LGALS8: variants seen among roughly 807,000 people sequenced by gnomAD.
LGALS8 encodes the protein galectin-8.
LGALS8 carries 30 observed loss-of-function variants against 35.9 expected under a neutral mutation model. The observed-to-expected ratio is 0.83, with a 90% CI of 0.62 to 1.13. The LOEUF is 1.13. LGALS8 is among the 50% of genes most tolerant of loss of function. The probability of loss-of-function intolerance (pLI) is 0.00; values close to 1 mark genes in which losing one functional copy is unlikely to be tolerated. For synonymous variants in LGALS8, 138 were observed against 136.1 expected (o/e 1.01, Z -0.10); for missense variants, 366 against 388.7 (o/e 0.94, Z 0.49).
At chr1:236,531,883 T>C (rs113142826) in intron 2 of LGALS8, among the ~76,000 whole-genome samples, 181 of 152,168 alleles carry the variant, frequency 1.2e-3, no homozygotes, top group African/African-American at 4.0e-3. Context: ...TAGAGCAAAA[T>C]TGCAAACGGA....
rs1662541711 is a variant in LGALS8 at position 236,548,357 on chromosome 1, C to T, written c.*196C>T. ...TAGCACTGAATGGGGAAACTGGGGG[C>T]AGCAACACTTATAGCCAGTTAAAGC... On this transcript the variant is annotated 3_prime_UTR_variant, in exon 10 of 10. Coordinates refer to ENST00000366584, the MANE Select transcript of LGALS8 (RefSeq NM_201544.4). The T allele has an allele frequency of 5.2e-6, 3 of 579,090 alleles. No individual in the cohort carries two copies. In the African/African-American group the frequency reaches 5.6e-5, roughly 11 times the overall value. 35.9% of individuals were successfully genotyped at this position (579,090 alleles called of 1,614,324 possible). A position where few individuals can be genotyped will look rare whatever the true frequency, so the allele number is the denominator to read the frequency against.
rs1484036757 is a variant in LGALS8 at position 236,549,832 on chromosome 1, T to A, written c.*1671T>A. 2.0e-5 allele frequency: 3 copies of A among 152,210 alleles called. No homozygotes were observed. The highest frequency in any genetic ancestry group is 7.2e-5 in the African/African-American group (3 of 41,444). 9.4% of individuals were successfully genotyped at this position (152,210 alleles called of 1,614,324 possible). ...TCATTTTACGTGGAGGAAAAAAATTTAAAAAGCTATTAGTATTTATTAATG... is the reference window on the plus strand; with the variant it reads ...TCATTTTACGTGGAGGAAAAAAATTAAAAAAGCTATTAGTATTTATTAATG... On this transcript the variant is annotated 3_prime_UTR_variant, in exon 10 of 10. Coordinates refer to ENST00000366584, the MANE Select transcript of LGALS8 (RefSeq NM_201544.4).
chr1:236,520,094 T>G (rs1329424861), upstream of LGALS8, among the ~76,000 whole-genome samples: 3 of 151,526 alleles, frequency 2.0e-5, no homozygotes, highest in Admixed American at 1.3e-4. Flanking sequence ...GTAGCTGAAA[T>G]TACAGGCATG....
chr1:236,531,472 C>T lies in LGALS8; in HGVS notation c.45+5357C>T, dbSNP rs560912927. Reference sequence around the variant, plus strand: ...CGGAGTAGCTGGGACTACAGGCGCCCGCCACCCACGCCTGGCTAATTTTTT... The same window carrying T: ...CGGAGTAGCTGGGACTACAGGCGCCTGCCACCCACGCCTGGCTAATTTTTT... On this transcript the variant is annotated intron_variant, in intron 2 of 9. Transcript: ENST00000366584. 1.4e-4 allele frequency among the ~76,000 whole-genome samples: 22 copies of T among 152,154 alleles called. No homozygotes were observed. In the South Asian group the frequency reaches 1.9e-3, roughly 13 times the overall value.
Position 236,541,679 on chromosome 1 carries a change from G to A in LGALS8, c.491G>A (p.Ser164Asn), listed in dbSNP as rs772784422. Residue 164 changes from serine to asparagine, a missense_variant, in exon 6 of 10, where the codon AGT becomes AAT. Coordinates refer to ENST00000366584, the MANE Select transcript of LGALS8 (RefSeq NM_201544.4). The part of the protein sequence containing the change: ...SSDLQSTQAS[S>N]LELTEISREN... ...GACTTACAAAGTACCCAAGCATCTA[G>A]TCTGGAACTGACAGAGATAAGTAGA... 2.0e-6 allele frequency: 3 copies of A among 1,526,980 alleles called. No homozygotes were observed. Among genetic ancestry groups the A allele is most frequent in the South Asian group, 2.5e-5 (2 of 80,348 alleles). The allele number at this position is 1,526,980 out of a possible 1,614,324, so 94.6% of individuals were successfully genotyped here. A position where few individuals can be genotyped will look rare whatever the true frequency, so the allele number is the denominator to read the frequency against.
chr1:236,524,126 G>T (rs762653234), intron 1 of LGALS8, 65 bp downstream of exon 1: 7 of 456,626 alleles, frequency 1.5e-5, no homozygotes, highest in South Asian at 1.1e-4. Context: ...TGCTCTGAGG[G>T]TCTCGCCAGT....
upstream of LGALS8, among the ~76,000 whole-genome samples, chr1:236,522,479 G>T (rs574527052): frequency 6.6e-6 from 1 of 152,206 alleles, no homozygotes; most frequent in East Asian, 1.9e-4. Flanking sequence ...AGTGGTGTGC[G>T]TCTATAGTCC....
intron 3 of LGALS8, among the ~76,000 whole-genome samples, chr1:236,537,923 C>CCCT (rs1553277033): frequency 7.3e-5 from 2 of 27,420 alleles, no homozygotes; most frequent in East Asian, 1.4e-3. Context: ...CATAGTGAGA[C>CCCT]CCCCCATCTG....
chr1:236,535,485 G>T (rs1174169958), intron 2 of LGALS8, among the ~76,000 whole-genome samples: 1 of 144,058 alleles, frequency 6.9e-6, no homozygotes, highest in Non-Finnish European at 1.5e-5. Context: ...TTACTAACTT[G>T]TGTTATTAAA....
At chr1:236,527,340 C>T (rs1184196907) in intron 2 of LGALS8, among the ~76,000 whole-genome samples, 2 of 152,110 alleles carry the variant, frequency 1.3e-5, no homozygotes, top group African/African-American at 4.8e-5. Flanking sequence ...TGAGGTGGAA[C>T]AAAAATAAGT....
chr1:236,550,687 A>G lies in LGALS8; in HGVS notation c.*2526A>G, dbSNP rs1454879002. The G allele has an allele frequency of 6.4e-6, 3 of 468,310 alleles. No individual in the cohort carries two copies. The highest frequency in any genetic ancestry group is 3.8e-5 in the Admixed American group (1 of 26,138). The allele number at this position is 468,310 out of a possible 1,614,324, so 29.0% of individuals were successfully genotyped here. ...AGTCTGTATAAAAATACCGTGTATC[A>G]TTTACTCTTTCTGCAGCTCTATACG... is the stretch of plus-strand genomic sequence containing the variant. On this transcript the variant is annotated 3_prime_UTR_variant, in exon 10 of 10. Coordinates refer to ENST00000366584, the MANE Select transcript of LGALS8 (RefSeq NM_201544.4).
chr1:236,545,443 AAT>A (rs1214511684), intron 9 of LGALS8, among the ~76,000 whole-genome samples: 1 of 152,162 alleles, frequency 6.6e-6, no homozygotes, highest in Non-Finnish European at 1.5e-5. Context: ...CCTTTCCCGA[AAT>A]ATGTTTCTGG....
rs890163525 is a variant in LGALS8 at position 236,552,779 on chromosome 1, A to G, written c.*4618A>G. On this transcript the variant is annotated 3_prime_UTR_variant, in exon 10 of 10. Transcript: ENST00000366584. ...TAATTAAAGAATATCTGGACAGTAC[A>G]AAGTGAATTATTAAAAAACCATTTG... 2.0e-5 allele frequency: 3 copies of G among 152,268 alleles called. No individual in the cohort carries two copies. Among genetic ancestry groups the G allele is most frequent in the African/African-American group, 7.2e-5 (3 of 41,462 alleles). The allele number at this position is 152,268 out of a possible 1,614,324, so 9.4% of individuals were successfully genotyped here.
At chr1:236,535,745 C>A (rs893045142) in intron 2 of LGALS8, among the ~76,000 whole-genome samples, 1 of 152,188 alleles carries the variant, frequency 6.6e-6, no homozygotes, top group Non-Finnish European at 1.5e-5. Flanking sequence ...TGCCTCCCAC[C>A]CTGCTCCTAG....
At chr1:236,524,556 A>G (rs1393969288) in intron 1 of LGALS8, 1 of 391,752 alleles carries the variant, frequency 2.6e-6, no homozygotes, top group Non-Finnish European at 5.2e-6. Flanking sequence ...CTGCAGTGTT[A>G]AACATTGCAA....
rs568135333 is a variant in LGALS8 at position 236,549,081 on chromosome 1, C to T, written c.*920C>T. 1 of 398,286 alleles carries T rather than the reference C, an allele frequency of 2.5e-6. No individual in the cohort carries two copies. Among genetic ancestry groups the T allele is most frequent in the Non-Finnish European group, 4.4e-6 (1 of 225,904 alleles). 24.7% of individuals were successfully genotyped at this position (398,286 alleles called of 1,614,324 possible). A position where few individuals can be genotyped will look rare whatever the true frequency, so the allele number is the denominator to read the frequency against. On this transcript the variant is annotated 3_prime_UTR_variant, in exon 10 of 10. Transcript: ENST00000366584. Reference sequence around the variant, plus strand: ...CAGGCATTCATAAGGCAGGCACTATCAGAAAGTGTACGCCAACTAAGGGAC... The same window carrying T: ...CAGGCATTCATAAGGCAGGCACTATTAGAAAGTGTACGCCAACTAAGGGAC...
chr1:236,549,905 GCT>G lies in LGALS8; in HGVS notation c.*1747_*1748del, dbSNP rs1662639520. On this transcript the variant is annotated 3_prime_UTR_variant, in exon 10 of 10. Coordinates refer to ENST00000366584, the MANE Select transcript of LGALS8 (RefSeq NM_201544.4). ...GAAATATGCACTTCTATACTAGCAA[GCT>G]CTGTCTCTAAAATGCAAGTTGGCCT... 1 of 152,168 alleles carries G rather than the reference GCT, an allele frequency of 6.6e-6. No homozygotes were observed. Among genetic ancestry groups the G allele is most frequent in the Non-Finnish European group, 1.5e-5 (1 of 68,036 alleles). 9.4% of individuals were successfully genotyped at this position (152,168 alleles called of 1,614,324 possible). A position where few individuals can be genotyped will look rare whatever the true frequency, so the allele number is the denominator to read the frequency against.
intron 2 of LGALS8, among the ~76,000 whole-genome samples, chr1:236,531,287 G>A (rs959774409): frequency 7.2e-5 from 11 of 151,976 alleles, no homozygotes; most frequent in Non-Finnish European, 1.0e-4. Flanking sequence ...CTAGGTCAGA[G>A]GGTATGATCC....
intron 7 of LGALS8, chr1:236,543,177 A>G: frequency 2.6e-6 from 2 of 757,170 alleles, no homozygotes. Flanking sequence ...CGGATTCGAG[A>G]GTCAACCAGG....
Sources: gnomAD v4.1 joint callset for allele counts (sites outside exome capture counted in the v4.1 genomes callset) on GRCh38, gnomAD v4.1.1 for gene constraint, MANE v1.5 for transcripts, NCBI Gene and HGNC (gene_info 2026-07-23, HGNC 2026-07-21) for gene names.